AFG2A: variants seen among roughly 807,000 people sequenced by gnomAD.
The protein encoded by AFG2A is AAA ATPase AFG2A.
At chr4:123,001,894 G>C in the AFG2A span, among the ~76,000 whole-genome samples, 1 of 152,130 alleles carries the variant, frequency 6.6e-6, no homozygotes, top group Admixed American at 6.6e-5. Flanking sequence ...GTCTAATGTT[G>C]ACAGTGGGGT....
the AFG2A span, among the ~76,000 whole-genome samples, chr4:123,213,590 A>C: frequency 6.6e-6 from 1 of 152,182 alleles, no homozygotes; most frequent in Non-Finnish European, 1.5e-5. Context: ...GTGAATATTA[A>C]ATGTGGGACT....
the AFG2A span, among the ~76,000 whole-genome samples, chr4:123,174,521 AT>A: frequency 1.3e-5 from 2 of 152,156 alleles, no homozygotes; most frequent in Non-Finnish European, 2.9e-5. Flanking sequence ...AAGAGGGATG[AT>A]TTTTTTCAAC....
the AFG2A span, among the ~76,000 whole-genome samples, chr4:123,175,126 A>G: frequency 6.6e-6 from 1 of 152,186 alleles, no homozygotes; most frequent in African/African-American, 2.4e-5. Flanking sequence ...CCCTACTGCA[A>G]AAGCACAAAC....
At chr4:123,081,225 C>G in the AFG2A span, among the ~76,000 whole-genome samples, 5 of 152,288 alleles carry the variant, frequency 3.3e-5, no homozygotes, top group African/African-American at 1.2e-4. Flanking sequence ...CAGAATAGTT[C>G]CACTGCATTA....
chr4:123,021,931 T>C, the AFG2A span, among the ~76,000 whole-genome samples: 1 of 151,852 alleles, frequency 6.6e-6, no homozygotes, highest in Non-Finnish European at 1.5e-5. Flanking sequence ...AAACAAGCAA[T>C]GGGGAAGGGA....
At chr4:123,149,753 A>T in the AFG2A span, among the ~76,000 whole-genome samples, 87 of 151,868 alleles carry the variant, frequency 5.7e-4, 2 homozygotes, top group South Asian at 0.018. Context: ...CATGTAGCAA[A>T]CATTTAAAAC....
At chr4:122,947,390 G>T in the AFG2A span, 462 of 1,614,062 alleles carry the variant, frequency 2.9e-4, 5 homozygotes, top group East Asian at 9.1e-3. Context: ...CTGCTTCGAA[G>T]GGTACCCCAT....
the AFG2A span, chr4:122,927,669 C>T: frequency 8.1e-6 from 13 of 1,611,840 alleles, no homozygotes; most frequent in South Asian, 1.1e-5. Context: ...CCAGAATTCC[C>T]TTATTCATCT....
At chr4:122,941,560 A>G in the AFG2A span, among the ~76,000 whole-genome samples, 3 of 152,252 alleles carry the variant, frequency 2.0e-5, no homozygotes, top group African/African-American at 7.2e-5. Flanking sequence ...TTCTAGATAT[A>G]CAATCATGTT....
chr4:123,099,842 A>G, the AFG2A span, among the ~76,000 whole-genome samples: 1 of 151,812 alleles, frequency 6.6e-6, no homozygotes, highest in African/African-American at 2.4e-5. Flanking sequence ...TCCATTGGTT[A>G]TTAGCTTTTT....
At chr4:123,302,908 C>G in the AFG2A span, among the ~76,000 whole-genome samples, 1 of 152,122 alleles carries the variant, frequency 6.6e-6, no homozygotes, top group East Asian at 1.9e-4. Flanking sequence ...TTTTGCACAC[C>G]TTGTTCCATG....
the AFG2A span, among the ~76,000 whole-genome samples, chr4:123,252,874 G>A: frequency 6.6e-6 from 1 of 152,178 alleles, no homozygotes; most frequent in African/African-American, 2.4e-5. Flanking sequence ...TATAAATGCA[G>A]TATGTACTCT....
At chr4:122,984,718 G>A in the AFG2A span, among the ~76,000 whole-genome samples, 1,053 of 152,252 alleles carry the variant, frequency 6.9e-3, 9 homozygotes, top group Non-Finnish European at 0.012. Context: ...TTGTGTGATT[G>A]TGTTTTTAAT....
At chr4:123,293,517 C>T in the AFG2A span, among the ~76,000 whole-genome samples, 6 of 152,178 alleles carry the variant, frequency 3.9e-5, no homozygotes, top group Admixed American at 2.0e-4. Flanking sequence ...TATAGCCACC[C>T]TGTGGGGGCT....
At chr4:123,222,321 G>C in the AFG2A span, among the ~76,000 whole-genome samples, 92 of 152,204 alleles carry the variant, frequency 6.0e-4, 1 homozygote, top group African/African-American at 2.1e-3. Flanking sequence ...AAAACTCTGG[G>C]ATAGATGTTT....
chr4:123,269,250 C>A, the AFG2A span, among the ~76,000 whole-genome samples: 1 of 152,154 alleles, frequency 6.6e-6, no homozygotes, highest in South Asian at 2.1e-4. Context: ...TTGGTGGGGT[C>A]CCTGTCCTGC....
chr4:123,123,997 G>A, the AFG2A span, among the ~76,000 whole-genome samples: 2 of 150,246 alleles, frequency 1.3e-5, no homozygotes, highest in East Asian at 3.9e-4. Flanking sequence ...AACAGGTGCT[G>A]GAGAGGATGT....
the AFG2A span, among the ~76,000 whole-genome samples, chr4:123,259,262 T>C: frequency 6.6e-6 from 1 of 152,232 alleles, no homozygotes; most frequent in Admixed American, 6.5e-5. Flanking sequence ...CATTGTTCTA[T>C]GAAAGCTTAG....
chr4:123,192,865 C>T, the AFG2A span, among the ~76,000 whole-genome samples: 2 of 152,182 alleles, frequency 1.3e-5, no homozygotes, highest in Non-Finnish European at 2.9e-5. Flanking sequence ...AGTAAATAAA[C>T]TGGCTTATTT....
Sources: gnomAD v4.1 joint callset for allele counts (sites outside exome capture counted in the v4.1 genomes callset) on GRCh38, gnomAD v4.1.1 for gene constraint, MANE v1.5 for transcripts, NCBI Gene and HGNC (gene_info 2026-07-23, HGNC 2026-07-21) for gene names.